Variants in PRKCG observed in about 807,000 individuals in gnomAD.
PRKCG encodes protein kinase C gamma, also known as protein kinase C gamma type.
A neutral mutation model predicts 82.0 loss-of-function variants in PRKCG; 28 were observed. The observed-to-expected ratio is 0.34, with a 90% CI of 0.25 to 0.47. The LOEUF (loss-of-function observed/expected upper bound fraction) is 0.47, where lower values mean the gene tolerates loss of function less well. Among genes scored for constraint, PRKCG ranks in the 20% least tolerant of loss-of-function variants. The pLI is 1.00. For synonymous variants in PRKCG, 383 were observed against 376.6 expected (o/e 1.02, Z -0.20); for missense variants, 640 against 952.7 (o/e 0.67, Z 4.32).
intron 5 of PRKCG, 146 bp from the exon 6 acceptor site, chr19:53,891,528 C>T (rs1313527533): frequency 5.4e-5 from 51 of 936,960 alleles, no homozygotes; most frequent in Middle Eastern, 2.6e-4. Flanking sequence ...GTGATCCGCC[C>T]GCCTTGGCCT....
upstream of PRKCG, among the ~76,000 whole-genome samples, chr19:53,881,213 C>G (rs2068586478): frequency 1.3e-5 from 2 of 151,630 alleles, no homozygotes; most frequent in Admixed American, 6.6e-5. Flanking sequence ...TAGGAAGAGA[C>G]AAACAAAAAC....
rs1317201775 is a variant in PRKCG, at chr19:53,884,628, CAGA to C, written c.285+392_285+394del. On this transcript the variant is annotated intron_variant, in intron 3 of 17. Coordinates refer to ENST00000263431, the MANE Select transcript of PRKCG (RefSeq NM_002739.5). The surrounding 1 kb of genome is among the most constrained non-coding windows in gnomAD (Gnocchi z 4.6). ...GGAATCTCAGGGAGAGGAACAGAGA[CAGA>C]AGAAGACAGAGACCTAGGAGAGACT... 1.3e-5 allele frequency among the ~76,000 whole-genome samples: 2 copies of C among 151,936 alleles called. No homozygotes were observed. The highest frequency in any genetic ancestry group is 6.6e-5 in the Admixed American group (1 of 15,242).
At position 53,882,971 on chromosome 19, in the gene PRKCG, G is replaced by T. The variant is rs78841761; in HGVS notation, c.171-192G>T. ...GGTCTGAAGGAGGAAGAAACTGGGG[G>T]CTGAACTCCAGTCTAAGGGAAGAAG... On this transcript the variant is annotated intron_variant, in intron 1 of 17. Transcript: ENST00000263431. This position sits in a 1 kb window ranked among gnomAD's most constrained non-coding sequence, Gnocchi z 6.1. 0.016 allele frequency among the ~76,000 whole-genome samples: 2,479 copies of T among 152,074 alleles called. 64 individuals carry two copies. Among genetic ancestry groups the T allele is most frequent in the African/African-American group, 0.056 (2,335 of 41,486 alleles).
In PRKCG at chr19:53,892,422, T is replaced by A; in HGVS notation, c.687-87T>A. On this transcript the variant is annotated intron_variant, in intron 6 of 17. Coordinates refer to ENST00000263431, the MANE Select transcript of PRKCG (RefSeq NM_002739.5). The surrounding 1 kb of genome is among the most constrained non-coding windows in gnomAD (Gnocchi z 5.9). ...AGGAGAGGAGCCCCAGCTGGCTGGG[T>A]TTGCCCCCACCTCCAGCACCAAGGA... 6.5e-7 allele frequency: 1 copy of A among 1,546,340 alleles called. No individual in the cohort carries two copies. The highest frequency in any genetic ancestry group is 8.7e-7 in the Non-Finnish European group (1 of 1,150,300).
chr19:53,896,289 C>T (rs148635202), intron 9 of PRKCG, among the ~76,000 whole-genome samples: 27 of 151,854 alleles, frequency 1.8e-4, no homozygotes, highest in Non-Finnish European at 1.3e-4. Context: ...TCAGCAGGCA[C>T]CACTTAATAT....
chr19:53,889,172 G>A lies in PRKCG; in HGVS notation c.286-466G>A, dbSNP rs991409699. On this transcript the variant is annotated intron_variant, in intron 3 of 17. Transcript: ENST00000263431. This position sits in a 1 kb window ranked among gnomAD's most constrained non-coding sequence, Gnocchi z 4.4. ...TTTGCCATGTTGCCTAGCCTGGTCC[G>A]GAACTCCTGAGCTCAAGGCAATCCG... is the stretch of plus-strand genomic sequence containing the variant. Among the ~76,000 whole-genome samples, 1 of 151,908 alleles carries A rather than the reference G, an allele frequency of 6.6e-6. No homozygotes were observed. Among genetic ancestry groups the A allele is most frequent in the Non-Finnish European group, 1.5e-5 (1 of 67,986 alleles).
At position 53,883,274 on chromosome 19, in the gene PRKCG, C is replaced by G. The variant is rs1279580332; in HGVS notation, c.202+80C>G. Reference sequence around the variant, plus strand: ...CCCACAGCTGAGGCTGCTTGACACACGTGTTCTCTGGTCCCCAGAGAGGCG... The same window carrying G: ...CCCACAGCTGAGGCTGCTTGACACAGGTGTTCTCTGGTCCCCAGAGAGGCG... On this transcript the variant is annotated intron_variant, in intron 2 of 17. Transcript: ENST00000263431. The surrounding 1 kb of genome is among the most constrained non-coding windows in gnomAD (Gnocchi z 5.4). The G allele has an allele frequency of 9.1e-6, 14 of 1,542,932 alleles. No individual in the cohort carries two copies. Among genetic ancestry groups the G allele is most frequent in the Non-Finnish European group, 8.9e-7 (1 of 1,118,352 alleles).
At position 53,882,535 on chromosome 19, in the gene PRKCG, G is replaced by C. The variant is rs758361947; in HGVS notation, c.41G>C (p.Gly14Ala). ...LGPGVGDSEG[G>A]PRPLFCRKGA... Reference sequence around the variant, plus strand: ...CCCGGCGTAGGCGATTCAGAGGGGGGACCCCGGCCCCTGTTTTGCAGAAAG... The same window carrying C: ...CCCGGCGTAGGCGATTCAGAGGGGGCACCCCGGCCCCTGTTTTGCAGAAAG... The change falls in exon 1 of 18, where the codon GGA becomes GCA. Residue 14 changes from glycine to alanine, a missense_variant. This residue lies in a region of PRKCG where 27 missense variants were observed against 23.9 expected (regional missense o/e 1.13). Coordinates refer to ENST00000263431, the MANE Select transcript of PRKCG (RefSeq NM_002739.5). This position sits in a 1 kb window ranked among gnomAD's most constrained non-coding sequence, Gnocchi z 6.1. 2 of 1,614,072 alleles carry C rather than the reference G, an allele frequency of 1.2e-6. No individual in the cohort carries two copies. The highest frequency in any genetic ancestry group is 4.5e-5 in the East Asian group (2 of 44,886).
intron 5 of PRKCG, 96 bp downstream of exon 5, chr19:53,890,113 A>G: frequency 7.6e-7 from 1 of 1,307,534 alleles, no homozygotes; most frequent in South Asian, 1.3e-5. Context: ...TACCCCAAAG[A>G]TGGGGCCACG....
chr19:53,901,476 G>A lies in PRKCG; in HGVS notation c.1575+727G>A, dbSNP rs371660372. 4.7e-5 allele frequency among the ~76,000 whole-genome samples: 7 copies of A among 150,284 alleles called. No homozygotes were observed. The East Asian group carries it at 1.4e-3, about 29-fold the overall frequency. Reference sequence around the variant, plus strand: ...GGAGAATCGCTTGAACCGGGGAGGCGGAGGTTGCAGTGAGCTGAGATCACA... The same window carrying A: ...GGAGAATCGCTTGAACCGGGGAGGCAGAGGTTGCAGTGAGCTGAGATCACA... On this transcript the variant is annotated intron_variant, in intron 14 of 17. Transcript: ENST00000263431.
At position 53,883,529 on chromosome 19, in the gene PRKCG, C is replaced by T. The variant is rs1248784107; in HGVS notation, c.202+335C>T. Among the ~76,000 whole-genome samples, 1 of 151,918 alleles carries T rather than the reference C, an allele frequency of 6.6e-6. No individual in the cohort carries two copies. Among genetic ancestry groups the T allele is most frequent in the African/African-American group, 2.4e-5 (1 of 41,336 alleles). ...GAGATGCAAAGTCAGAGCCCCCCCCCACCCCAGGCTGCCGTCGCCATGACA... is the reference window on the plus strand; with the variant it reads ...GAGATGCAAAGTCAGAGCCCCCCCCTACCCCAGGCTGCCGTCGCCATGACA... On this transcript the variant is annotated intron_variant, in intron 2 of 17. Coordinates refer to ENST00000263431, the MANE Select transcript of PRKCG (RefSeq NM_002739.5). This position sits in a 1 kb window ranked among gnomAD's most constrained non-coding sequence, Gnocchi z 5.4.
In PRKCG at chr19:53,906,124, T is replaced by TTCTTCTTCTTCTTCTTCTTTTCTTCTC. The variant is rs1568764147; in HGVS notation, c.1765-190_1765-189insTCTTCTTCTTCTTCTTTTCTTCTCTCT. ...TCTTCTTCTTCTTCTTCTTCTTTTC[T>TTCTTCTTCTTCTTCTTCTTTTCTTCTC]TCTCTCTCTCTCTCCTTTCTTTTCC... On this transcript the variant is annotated intron_variant, in intron 16 of 17. Coordinates refer to ENST00000263431, the MANE Select transcript of PRKCG (RefSeq NM_002739.5). Among the ~76,000 whole-genome samples the TTCTTCTTCTTCTTCTTCTTTTCTTCTC allele has an allele frequency of 1.5e-3, 106 of 70,614 alleles. 6 individuals carry two copies. The highest frequency in any genetic ancestry group is 4.2e-3 in the African/African-American group (37 of 8,754). 46.3% of individuals were successfully genotyped at this position (70,614 alleles called of 152,430 possible). A position where few individuals can be genotyped will look rare whatever the true frequency, so the allele number is the denominator to read the frequency against.
intron 17 of PRKCG, 49 bp from the exon 18 acceptor site, chr19:53,906,658 G>C (rs774325878): frequency 4.4e-6 from 7 of 1,600,220 alleles, no homozygotes; most frequent in Non-Finnish European, 1.7e-6. Context: ...AGGGACACCC[G>C]AGGAGCCCTC....
chr19:53,903,547 G>C (rs1033785129), intron 15 of PRKCG, among the ~76,000 whole-genome samples: 2 of 152,164 alleles, frequency 1.3e-5, no homozygotes, highest in African/African-American at 2.4e-5. Context: ...GGACTGCTGA[G>C]TGTACTACAA....
At chr19:53,886,262 C>A (rs953040595) in intron 3 of PRKCG, among the ~76,000 whole-genome samples, 1 of 151,206 alleles carries the variant, frequency 6.6e-6, no homozygotes, top group Non-Finnish European at 1.5e-5. Flanking sequence ...CATGAGCCAC[C>A]ATGGCCGGCT....
intron 9 of PRKCG, among the ~76,000 whole-genome samples, chr19:53,896,334 G>T (rs2068717573): frequency 6.6e-6 from 1 of 151,290 alleles, no homozygotes; most frequent in African/African-American, 2.4e-5. Context: ...CAAGCCTTGA[G>T]CTAGGTACGG....
At chr19:53,890,738 C>A (rs1490857714) in intron 5 of PRKCG, among the ~76,000 whole-genome samples, 1 of 147,172 alleles carries the variant, frequency 6.8e-6, no homozygotes, top group Non-Finnish European at 1.5e-5. Flanking sequence ...CCTGCCACCA[C>A]ATCCGGCTAA....
chr19:53,882,321 G>C lies in PRKCG; in HGVS notation c.-174G>C. ...TCCCCCTGGCGGAGCCGGCGCGCCC[G>C]GGGTGCCGCTCCCTGCCTGGCGCGC... On this transcript the variant is annotated 5_prime_UTR_variant, in exon 1 of 18. Coordinates refer to ENST00000263431, the MANE Select transcript of PRKCG (RefSeq NM_002739.5). The surrounding 1 kb of genome is among the most constrained non-coding windows in gnomAD (Gnocchi z 6.1). The C allele has an allele frequency of 1.1e-6, 1 of 951,468 alleles. No homozygotes were observed. Among genetic ancestry groups the C allele is most frequent in the Non-Finnish European group, 1.6e-6 (1 of 640,830 alleles). 58.9% of individuals were successfully genotyped at this position (951,468 alleles called of 1,614,324 possible).
At chr19:53,904,380 T>C (rs1202319627) in intron 15 of PRKCG, among the ~76,000 whole-genome samples, 2 of 149,216 alleles carry the variant, frequency 1.3e-5, no homozygotes, top group Admixed American at 6.8e-5. Context: ...CTGATTTACA[T>C]AGCAGATAAA....
Sources: gnomAD v4.1 joint callset for allele counts (sites outside exome capture counted in the v4.1 genomes callset) on GRCh38, gnomAD v4.1.1 for gene constraint, gnomAD v4.1.1 regional missense constraint, Gnocchi (gnomAD v3.1) non-coding constraint, MANE v1.5 for transcripts, NCBI Gene and HGNC (gene_info 2026-07-23, HGNC 2026-07-21) for gene names.